SOX6: variants seen among roughly 807,000 people sequenced by gnomAD.
SOX6 encodes SRY-box transcription factor 6.
A neutral mutation model predicts 97.8 loss-of-function variants in SOX6; 11 were observed. That is an observed-to-expected ratio of 0.11 (90% CI 0.07 to 0.19). SOX6 has a LOEUF of 0.19. SOX6 is among the 10% of genes least tolerant of loss of function. The pLI is 1.00. For synonymous variants in SOX6, 360 were observed against 371.4 expected (o/e 0.97, Z 0.35); for missense variants, 810 against 1,039.5 (o/e 0.78, Z 3.04).
At chr11:16,117,859 A>C (rs918340623) in intron 6 of SOX6, among the ~76,000 whole-genome samples, 1 of 152,174 alleles carries the variant, frequency 6.6e-6, no homozygotes, top group Non-Finnish European at 1.5e-5. Context: ...AGCAACCCCC[A>C]AAAATATTTT....
intron 1 of SOX6, among the ~76,000 whole-genome samples, chr11:16,407,803 A>G (rs1858718332): frequency 6.6e-6 from 1 of 152,158 alleles, no homozygotes; most frequent in African/African-American, 2.4e-5. Context: ...GCAAAGCTCA[A>G]TCTTGCATCC....
At chr11:16,122,725 T>C (rs1288772508) in intron 6 of SOX6, among the ~76,000 whole-genome samples, 2 of 152,032 alleles carry the variant, frequency 1.3e-5, no homozygotes, top group South Asian at 2.1e-4. Flanking sequence ...AGGCAAGGAC[T>C]TTCTATCTCT....
intron 3 of SOX6, among the ~76,000 whole-genome samples, chr11:16,668,300 G>C (rs1457297224): frequency 1.3e-5 from 2 of 152,110 alleles, no homozygotes; most frequent in African/African-American, 2.4e-5. Context: ...TTGAACATGG[G>C]AGGCAGAGGC....
intron 3 of SOX6, among the ~76,000 whole-genome samples, chr11:16,642,681 T>C (rs931544828): frequency 2.6e-5 from 4 of 152,228 alleles, no homozygotes; most frequent in Admixed American, 6.5e-5. Context: ...CCATCACTGA[T>C]ACCCTTTCTT....
At chr11:16,257,157 G>A (rs1472945607) in intron 3 of SOX6, among the ~76,000 whole-genome samples, 5 of 151,836 alleles carry the variant, frequency 3.3e-5, no homozygotes. Context: ...TAGATTCAAT[G>A]CAATCCCAAT....
intron 3 of SOX6, among the ~76,000 whole-genome samples, chr11:16,641,446 A>C (rs1848912075): frequency 2.0e-5 from 3 of 152,136 alleles, no homozygotes. Flanking sequence ...GCTGAGTTCA[A>C]TTCCTGGATA....
chr11:16,018,202 T>A (rs953014684), intron 12 of SOX6, among the ~76,000 whole-genome samples: 6 of 152,128 alleles, frequency 3.9e-5, no homozygotes, highest in Non-Finnish European at 7.4e-5. Flanking sequence ...GCATCCATCA[T>A]CTTCACGTAT....
chr11:16,446,395 C>A (rs974059982), intron 1 of SOX6, among the ~76,000 whole-genome samples: 23 of 151,914 alleles, frequency 1.5e-4, no homozygotes, highest in African/African-American at 5.3e-4. Flanking sequence ...CCAACTGCAC[C>A]CGTTATTTTC....
chr11:16,184,735 C>G (rs974452998), intron 5 of SOX6, among the ~76,000 whole-genome samples: 2 of 152,088 alleles, frequency 1.3e-5, no homozygotes, highest in Non-Finnish European at 2.9e-5. Flanking sequence ...GGTCAAATAG[C>G]TTCCTTAGGA....
At chr11:16,481,834 C>A (rs568659288) in intron 4 of SOX6, among the ~76,000 whole-genome samples, 1 of 151,980 alleles carries the variant, frequency 6.6e-6, no homozygotes, top group Non-Finnish European at 1.5e-5. Context: ...TTTATCAATA[C>A]TTACTATATT....
At chr11:16,215,918 T>C (rs904435517) in intron 4 of SOX6, among the ~76,000 whole-genome samples, 1 of 152,202 alleles carries the variant, frequency 6.6e-6, no homozygotes, top group African/African-American at 2.4e-5. Context: ...ATTTGAAAAG[T>C]GCACGAGGAA....
intron 4 of SOX6, among the ~76,000 whole-genome samples, chr11:16,514,963 T>C (rs2133154990): frequency 6.6e-6 from 1 of 152,148 alleles, no homozygotes; most frequent in African/African-American, 2.4e-5. Context: ...ACACTTGGGT[T>C]GGTTCCAAGT....
chr11:16,042,158 C>T (rs1855687117), intron 12 of SOX6, among the ~76,000 whole-genome samples: 1 of 152,148 alleles, frequency 6.6e-6, no homozygotes, highest in Non-Finnish European at 1.5e-5. Context: ...TTAAGTAACA[C>T]AGTTAGAAAA....
chr11:16,539,756 C>G (rs1469407316), intron 4 of SOX6, among the ~76,000 whole-genome samples: 1 of 152,148 alleles, frequency 6.6e-6, no homozygotes, highest in Non-Finnish European at 1.5e-5. Context: ...ATACGCCCTC[C>G]TAACACTAAA....
chr11:16,643,302 TGTGAG>T (rs1848954356), intron 3 of SOX6, among the ~76,000 whole-genome samples: 1 of 152,176 alleles, frequency 6.6e-6, no homozygotes, highest in African/African-American at 2.4e-5. Flanking sequence ...TACCCAGCCA[TGTGAG>T]GTGTCAGTCT....
intron 4 of SOX6, among the ~76,000 whole-genome samples, chr11:16,507,068 A>C (rs1301413255): frequency 6.6e-6 from 1 of 151,980 alleles, no homozygotes; most frequent in African/African-American, 2.4e-5. Flanking sequence ...TGTCTCAAAA[A>C]TAATAATAAT....
chr11:16,709,878 T>C (rs1848164529), intron 3 of SOX6, among the ~76,000 whole-genome samples: 1 of 152,226 alleles, frequency 6.6e-6, no homozygotes, highest in African/African-American at 2.4e-5. Flanking sequence ...TTCCAAAGAA[T>C]GAATATCTCA....
At chr11:16,657,233 T>A (rs998775691) in intron 3 of SOX6, among the ~76,000 whole-genome samples, 2 of 152,220 alleles carry the variant, frequency 1.3e-5, no homozygotes, top group African/African-American at 4.8e-5. Context: ...ATGGCTTCTT[T>A]CACTCAGTAA....
intron 3 of SOX6, among the ~76,000 whole-genome samples, chr11:16,706,358 G>A (rs1848131917): frequency 6.9e-6 from 1 of 145,484 alleles, no homozygotes. Context: ...TGAGGCTGGA[G>A]GATCACTTAA....
Sources: gnomAD v4.1 joint callset for allele counts (sites outside exome capture counted in the v4.1 genomes callset) on GRCh38, gnomAD v4.1.1 for gene constraint, MANE v1.5 for transcripts, NCBI Gene and HGNC (gene_info 2026-07-23, HGNC 2026-07-21) for gene names.